Variants in PDE1A observed in about 807,000 individuals in gnomAD.
PDE1A encodes phosphodiesterase 1A.
A neutral mutation model predicts 61.7 loss-of-function variants in PDE1A; 35 were observed. The ratio of observed to expected loss-of-function variants is 0.57; its 90% CI spans 0.43 to 0.75. The LOEUF is 0.75. Among genes scored for constraint, PDE1A ranks in the 30% least tolerant of loss-of-function variants. The pLI is 0.00. For synonymous variants in PDE1A, 232 were observed against 213.2 expected, an observed-to-expected ratio of 1.09 and a Z score of -0.77; for missense variants, 597 against 630.6, an observed-to-expected ratio of 0.95 and a Z score of 0.57.
At chr2:182,654,963 T>C in the PDE1A span, among the ~76,000 whole-genome samples, 3 of 152,162 alleles carry the variant, frequency 2.0e-5, no homozygotes, top group African/African-American at 7.2e-5. Flanking sequence ...CATCTGGCCT[T>C]TTTGCTCATT....
chr2:182,272,020 G>A (rs766673046), intron 1 of PDE1A, among the ~76,000 whole-genome samples: 1 of 152,050 alleles, frequency 6.6e-6, no homozygotes, highest in Non-Finnish European at 1.5e-5. Flanking sequence ...TCAACAGAAG[G>A]GGTAGAGGAA....
At chr2:182,382,569 T>G (rs1014055084) in intron 1 of PDE1A, among the ~76,000 whole-genome samples, 1 of 152,208 alleles carries the variant, frequency 6.6e-6, no homozygotes, top group African/African-American at 2.4e-5. Context: ...CTAGCATGCT[T>G]GAATTTCTGA....
At chr2:182,611,431 G>C in the PDE1A span, among the ~76,000 whole-genome samples, 2 of 152,066 alleles carry the variant, frequency 1.3e-5, no homozygotes, top group African/African-American at 4.8e-5. Flanking sequence ...TAATCCCAAG[G>C]CACAGTATTT....
intron 6 of PDE1A, among the ~76,000 whole-genome samples, chr2:182,227,244 G>A (rs1423494616): frequency 6.6e-6 from 1 of 152,002 alleles, no homozygotes; most frequent in Non-Finnish European, 1.5e-5. Flanking sequence ...AGCTAATAGA[G>A]TTTTGACTTA....
chr2:182,480,819 T>C (rs1469338162), intron 2 of PDE1A, among the ~76,000 whole-genome samples: 3 of 151,762 alleles, frequency 2.0e-5, no homozygotes, highest in African/African-American at 7.3e-5. Flanking sequence ...ACTAAAAAGA[T>C]GATTGATAGG....
intron 10 of PDE1A, among the ~76,000 whole-genome samples, chr2:182,196,483 A>G (rs1177284678): frequency 1.3e-5 from 2 of 151,858 alleles, no homozygotes; most frequent in Admixed American, 6.6e-5. Context: ...TACCTTCATT[A>G]TGATATACTC....
At chr2:182,502,944 C>T (rs574986430) in intron 2 of PDE1A, among the ~76,000 whole-genome samples, 64 of 152,068 alleles carry the variant, frequency 4.2e-4, no homozygotes, top group African/African-American at 1.4e-3. Context: ...GAATTTGGTT[C>T]ACATCTGGGC....
intron 1 of PDE1A, among the ~76,000 whole-genome samples, chr2:182,366,211 G>T (rs1214614265): frequency 1.3e-5 from 2 of 151,960 alleles, no homozygotes; most frequent in African/African-American, 4.8e-5. Flanking sequence ...CTCAAGGGTG[G>T]TTCCAAAAGT....
chr2:182,259,175 A>C (rs894804499), intron 2 of PDE1A, among the ~76,000 whole-genome samples: 7 of 152,216 alleles, frequency 4.6e-5, no homozygotes, highest in African/African-American at 1.7e-4. Context: ...ACATCAATGC[A>C]GTATCTAACC....
intron 1 of PDE1A, among the ~76,000 whole-genome samples, chr2:182,425,752 G>A (rs1262880672): frequency 6.6e-6 from 1 of 152,052 alleles, no homozygotes; most frequent in African/African-American, 2.4e-5. Context: ...TTGCTAACAT[G>A]TAGTATCTCT....
chr2:182,391,110 G>A (rs528940653), intron 1 of PDE1A, among the ~76,000 whole-genome samples: 9 of 152,256 alleles, frequency 5.9e-5, no homozygotes, highest in African/African-American at 1.2e-4. Context: ...TCTGGAGAAC[G>A]GCTCTGAAAA....
At chr2:182,334,768 C>T (rs1308621697) in intron 1 of PDE1A, among the ~76,000 whole-genome samples, 1 of 152,168 alleles carries the variant, frequency 6.6e-6, no homozygotes, top group Non-Finnish European at 1.5e-5. Flanking sequence ...TTTGGAAGTT[C>T]TGGCCAGAGC....
At position 182,307,567 on chromosome 2, in the gene PDE1A, A is replaced by G. The variant is rs114431591; in HGVS notation, c.54-43153T>C. ...TCAGTCTGTGATATTCTGTTATAGC[A>G]GCACAAAACAGAGTAAGACAATCAC... On this transcript the variant is annotated intron_variant, in intron 1 of 13. Coordinates refer to ENST00000351439, the Ensembl canonical transcript of PDE1A. Among the ~76,000 whole-genome samples the G allele has an allele frequency of 1.6e-3, 238 of 152,298 alleles. 1 individual carries two copies. The highest frequency in any genetic ancestry group is 5.0e-3 in the African/African-American group (207 of 41,570).
chr2:182,391,526 C>G (rs903876357), intron 1 of PDE1A, among the ~76,000 whole-genome samples: 1 of 152,106 alleles, frequency 6.6e-6, no homozygotes, highest in Non-Finnish European at 1.5e-5. Flanking sequence ...GAAGACATAC[C>G]CTTCACCAAT....
chr2:182,399,912 T>C (rs1488643208), intron 1 of PDE1A, among the ~76,000 whole-genome samples: 1 of 152,134 alleles, frequency 6.6e-6, no homozygotes, highest in African/African-American at 2.4e-5. Context: ...CTGATGTTTT[T>C]ATTCCTGCAT....
At chr2:182,295,262 G>A (rs1003102660) in intron 1 of PDE1A, among the ~76,000 whole-genome samples, 4 of 151,476 alleles carry the variant, frequency 2.6e-5, no homozygotes, top group Admixed American at 1.3e-4. Flanking sequence ...TTTTAGTAGA[G>A]ACGGGGTTTC....
rs537207007 is a variant in PDE1A, at chr2:182,309,803, T to G, written c.54-45389A>C. Among the ~76,000 whole-genome samples the G allele has an allele frequency of 5.9e-5, 9 of 152,040 alleles. No homozygotes were observed. The South Asian group carries it at 1.0e-3, about 18-fold the overall frequency. ...TAAGAATGTTTCTGACACAAAGACA[T>G]GGAGAAGTGAAAAAACTGCATGTGA... On this transcript the variant is annotated intron_variant, in intron 1 of 13. Coordinates refer to ENST00000351439, the Ensembl canonical transcript of PDE1A.
chr2:182,421,054 G>T (rs150411720), intron 1 of PDE1A, among the ~76,000 whole-genome samples: 1 of 152,066 alleles, frequency 6.6e-6, no homozygotes, highest in Non-Finnish European at 1.5e-5. Flanking sequence ...CCTACAGGTC[G>T]TCTTTTAAAC....
intron 2 of PDE1A, among the ~76,000 whole-genome samples, chr2:182,470,090 G>A (rs1002526585): frequency 2.6e-5 from 4 of 151,850 alleles, no homozygotes; most frequent in African/African-American, 4.8e-5. Flanking sequence ...GTGAAAACAC[G>A]CTGTTAGAAA....
Sources: gnomAD v4.1 joint callset for allele counts (sites outside exome capture counted in the v4.1 genomes callset) on GRCh38, gnomAD v4.1.1 for gene constraint, MANE v1.5 for transcripts, NCBI Gene and HGNC (gene_info 2026-07-23, HGNC 2026-07-21) for gene names.